PPIE: variants seen among roughly 807,000 people sequenced by gnomAD.
PPIE encodes the protein peptidylprolyl isomerase E.
Under a neutral mutation model 38.4 loss-of-function variants are expected in PPIE, and 20 were observed. The observed-to-expected ratio is 0.52, with a 90% CI of 0.37 to 0.76. The LOEUF (loss-of-function observed/expected upper bound fraction) is 0.76. PPIE is among the 30% of genes least tolerant of loss of function. The pLI, the probability that PPIE is intolerant of heterozygous loss-of-function variation, is 0.00. For synonymous variants in PPIE, 142 were observed against 135.7 expected (o/e 1.05, Z -0.32); for missense variants, 322 against 385.8 (o/e 0.83, Z 1.39).
downstream of PPIE, chr1:39,757,076 T>TG (rs1252838250): frequency 6.6e-6 from 1 of 152,220 alleles, no homozygotes; most frequent in Non-Finnish European, 1.5e-5. Flanking sequence ...AAGTGACACT[T>TG]GCTAGGCCTT....
In PPIE at chr1:39,748,927, A is replaced by G. The variant is rs1211113379; in HGVS notation, c.533A>G (p.His178Arg). The G allele has an allele frequency of 6.2e-7, 1 of 1,614,022 alleles. No homozygotes were observed. Among genetic ancestry groups the G allele is most frequent in the Admixed American group, 1.7e-5 (1 of 60,012 alleles). The change falls in exon 8 of 10, where the codon CAT becomes CGT. Residue 178 changes from histidine to arginine, a missense_variant. Transcript: ENST00000324379. ...TAENFRCLCT[H>R]EKGFGFKGSS... Reference sequence around the variant, plus strand: ...GAGAATTTCCGCTGCCTGTGCACTCATGAAAAGGGCTTTGGCTTTAAGGGA... The same window carrying G: ...GAGAATTTCCGCTGCCTGTGCACTCGTGAAAAGGGCTTTGGCTTTAAGGGA...
downstream of PPIE, among the ~76,000 whole-genome samples, chr1:39,760,951 T>A (rs1257175275): frequency 6.6e-6 from 1 of 152,038 alleles, no homozygotes; most frequent in Non-Finnish European, 1.5e-5. Context: ...ACTTTCTTCT[T>A]TTGGCCCTTC....
chr1:39,742,090 T>C (rs1569636605), intron 4 of PPIE, 169 bp downstream of exon 4: 1 of 656,796 alleles, frequency 1.5e-6, no homozygotes, highest in Non-Finnish European at 2.6e-6. Flanking sequence ...AATTAGTTCT[T>C]ACTCAGACTC....
intron 7 of PPIE, 44 bp from the exon 8 acceptor site, chr1:39,748,859 G>A (rs774437668): frequency 2.6e-6 from 4 of 1,563,578 alleles, no homozygotes; most frequent in South Asian, 2.4e-5. Flanking sequence ...TTTTTATTTT[G>A]TCCTATTTTT....
At chr1:39,762,838 G>A (rs1649186383) in intron 9 of PPIE, among the ~76,000 whole-genome samples, 1 of 152,222 alleles carries the variant, frequency 6.6e-6, no homozygotes, top group Admixed American at 6.5e-5. Flanking sequence ...GAGTTTGTTC[G>A]GTGCATAGAA....
intron 7 of PPIE, chr1:39,745,707 C>T (rs139805846): frequency 4.9e-6 from 3 of 609,582 alleles, no homozygotes; most frequent in South Asian, 3.4e-5. Context: ...GTTTTTTAAT[C>T]GTTTTTTAAA....
intron 7 of PPIE, chr1:39,746,608 G>A (rs1263122744): frequency 6.6e-6 from 1 of 152,228 alleles, no homozygotes; most frequent in Admixed American, 6.5e-5. Flanking sequence ...GTCAGGGAAA[G>A]GATCCCAAAG....
At position 39,752,897 on chromosome 1, in the gene PPIE, T is replaced by TTC. The variant is rs1405921952; in HGVS notation, c.695-8_695-7dup. ...CCAGGGTTCGGGGAGCTGATGGTTG[T>TTC]TCTCTCCCTCAGGTCTACTATCCAT... On this transcript the variant is annotated splice_polypyrimidine_tract_variant and intron_variant, in intron 8 of 9. Coordinates refer to ENST00000324379, the MANE Select transcript of PPIE (RefSeq NM_006112.4). The TTC allele has an allele frequency of 1.2e-6, 2 of 1,609,070 alleles. No homozygotes were observed. Among genetic ancestry groups the TTC allele is most frequent in the Admixed American group, 3.4e-5 (2 of 58,318 alleles).
intron 8 of PPIE, among the ~76,000 whole-genome samples, chr1:39,752,070 A>T (rs2124361588): frequency 6.6e-6 from 1 of 152,292 alleles, no homozygotes; most frequent in East Asian, 1.9e-4. Context: ...TCCTGTACTC[A>T]GCCTGGGTGA....
chr1:39,749,493 G>A lies in PPIE; in HGVS notation c.694+405G>A, dbSNP rs1014426226. On this transcript the variant is annotated intron_variant, in intron 8 of 9. Coordinates refer to ENST00000324379, the MANE Select transcript of PPIE (RefSeq NM_006112.4). The stretch of plus-strand genomic sequence containing the variant: ...AAATTTATAACTATAGTTCTTAAGG[G>A]GACCCTTGCCAACCTGACCAGATTT... Among the ~76,000 whole-genome samples the A allele has an allele frequency of 2.6e-5, 4 of 151,972 alleles. No individual in the cohort carries two copies. The South Asian group carries it at 6.2e-4, about 24-fold the overall frequency.
rs1218789008 is a variant in PPIE, at chr1:39,745,441, A to G, written c.451A>G (p.Lys151Glu). 1.9e-6 allele frequency: 3 copies of G among 1,614,140 alleles called. No homozygotes were observed. The highest frequency in any genetic ancestry group is 2.5e-6 in the Non-Finnish European group (3 of 1,180,050). Residue 151 changes from lysine (K) to glutamate (E), a missense_variant, in exon 7 of 10, where the codon AAG becomes GAG. Lys to Glu is a moderately conservative substitution (Grantham distance 56). Coordinates refer to ENST00000324379, the MANE Select transcript of PPIE (RefSeq NM_006112.4). ...QVYMDIKIGN[K>E]PAGRIQMLLR... is the part of the protein sequence containing the mutation. The stretch of plus-strand genomic sequence containing the variant: ...GTACATGGACATCAAGATTGGGAAC[A>G]AGCCGGCTGGCCGCATCCAGATGCT...
downstream of PPIE, chr1:39,760,126 A>G (rs150413514): frequency 3.2e-4 from 150 of 463,504 alleles, no homozygotes; most frequent in African/African-American, 2.9e-3. Context: ...CTTCTGTGCC[A>G]ACCCCAAAGA....
At chr1:39,760,431 G>A (rs41267037), downstream of PPIE, 46,013 of 1,613,890 alleles carry the variant, frequency 0.029, 883 homozygotes, top group East Asian at 0.075. Flanking sequence ...AGTGGCAGCC[G>A]CAGGCCTTGA....
In PPIE at chr1:39,753,132, G is replaced by A. The variant is rs1647920427; in HGVS notation, c.837+80G>A. On this transcript the variant is annotated intron_variant, in intron 9 of 9. Coordinates refer to ENST00000324379, the MANE Select transcript of PPIE (RefSeq NM_006112.4). ...GTGTGAGGGCTGGAGAGTCTCTGTG[G>A]CCTGAGAGAGATGGCCAGGGGCTGT... 21 of 1,598,886 alleles carry A rather than the reference G, an allele frequency of 1.3e-5. No homozygotes were observed. The South Asian group carries it at 2.2e-4, about 17-fold the overall frequency.
chr1:39,744,532 AC>A (rs1333513264), intron 6 of PPIE, among the ~76,000 whole-genome samples: 57 of 152,220 alleles, frequency 3.7e-4, no homozygotes, highest in African/African-American at 1.3e-3. Flanking sequence ...CTCAGCTGAA[AC>A]AGTAGCAGTC....
chr1:39,742,576 C>G (rs911096346), intron 4 of PPIE: 1 of 146,468 alleles, frequency 6.8e-6, no homozygotes, highest in Admixed American at 6.8e-5. Flanking sequence ...ATTACAGGCT[C>G]AAGCCAACAG....
At position 39,756,141 on chromosome 1, in the gene PPIE, G is replaced by A. The variant is rs951107468; in HGVS notation, c.*2786G>A. ...CAGCCTGGCCACCTGCTTCGGCTACGCACCATGCAGCAGCTGCACCTGGCT... is the reference window on the plus strand; with the variant it reads ...CAGCCTGGCCACCTGCTTCGGCTACACACCATGCAGCAGCTGCACCTGGCT... On this transcript the variant is annotated 3_prime_UTR_variant, in exon 10 of 10. Coordinates refer to ENST00000324379, the MANE Select transcript of PPIE (RefSeq NM_006112.4). 7.1e-6 allele frequency: 7 copies of A among 985,324 alleles called. No homozygotes were observed. In the African/African-American group the frequency reaches 8.7e-5, roughly 12 times the overall value. The allele number at this position is 985,324 out of a possible 1,614,324, so 61.0% of individuals were successfully genotyped here. A position where few individuals can be genotyped will look rare whatever the true frequency, so the allele number is the denominator to read the frequency against.
Position 39,753,440 on chromosome 1 carries a change from G to A in PPIE, c.*85G>A. 1 of 1,566,538 alleles carries A rather than the reference G, an allele frequency of 6.4e-7. No homozygotes were observed. The highest frequency in any genetic ancestry group is 8.6e-7 in the Non-Finnish European group (1 of 1,157,194). On this transcript the variant is annotated 3_prime_UTR_variant, in exon 10 of 10. Transcript: ENST00000324379. ...CCAGCCTCAGAGGAGGCAGCACCGAGGGTGCCTGTTTGAAGCAAGCAGCAT... is the reference window on the plus strand; with the variant it reads ...CCAGCCTCAGAGGAGGCAGCACCGAAGGTGCCTGTTTGAAGCAAGCAGCAT...
Position 39,755,104 on chromosome 1 carries a change from A to G in PPIE, c.*1749A>G. ...CACTTCTTGGAGCTGGCTTCTCTCCACTCCCCCTCCAGATGCTGGTCAGCC... is the reference window on the plus strand; with the variant it reads ...CACTTCTTGGAGCTGGCTTCTCTCCGCTCCCCCTCCAGATGCTGGTCAGCC... On this transcript the variant is annotated 3_prime_UTR_variant, in exon 10 of 10. Coordinates refer to ENST00000324379, the MANE Select transcript of PPIE (RefSeq NM_006112.4). 4.1e-6 allele frequency: 4 copies of G among 985,076 alleles called. No homozygotes were observed. The highest frequency in any genetic ancestry group is 4.8e-6 in the Non-Finnish European group (4 of 829,898). 61.0% of individuals were successfully genotyped at this position (985,076 alleles called of 1,614,324 possible).
Sources: gnomAD v4.1 joint callset for allele counts (sites outside exome capture counted in the v4.1 genomes callset) on GRCh38, gnomAD v4.1.1 for gene constraint, MANE v1.5 for transcripts, NCBI Gene and HGNC (gene_info 2026-07-23, HGNC 2026-07-21) for gene names.